The following TMEM135 variants were observed in gnomAD, a reference collection of about 807,000 sequenced individuals.
TMEM135 encodes peroxisomal membrane protein 52.
Under a neutral mutation model 60.3 loss-of-function variants are expected in TMEM135, and 30 were observed. That is an observed-to-expected ratio of 0.50 (90% CI 0.37 to 0.68). TMEM135 has a LOEUF of 0.68. Among genes scored for constraint, TMEM135 ranks in the 30% least tolerant of loss-of-function variants. The probability of loss-of-function intolerance (pLI) is 0.00; values close to 1 mark genes in which losing one functional copy is unlikely to be tolerated. For synonymous variants in TMEM135, 190 were observed against 186.7 expected, an observed-to-expected ratio of 1.02 and a Z score of -0.14; for missense variants, 468 against 548.8, an observed-to-expected ratio of 0.85 and a Z score of 1.47.
intron 5 of TMEM135, among the ~76,000 whole-genome samples, chr11:87,229,154 GTTTCT>G (rs1940832368): frequency 6.6e-6 from 1 of 151,740 alleles, no homozygotes; most frequent in Non-Finnish European, 1.5e-5. Flanking sequence ...ACATTTTGAC[GTTTCT>G]TTTATGTGTT....
At chr11:87,047,623 GCAC>G (rs750777462) in intron 1 of TMEM135, among the ~76,000 whole-genome samples, 8 of 118,990 alleles carry the variant, frequency 6.7e-5, no homozygotes, top group Non-Finnish European at 1.0e-4. Flanking sequence ...AAAAAACGGC[GCAC>G]CACGAGACTA....
At chr11:87,055,227 A>T (rs1010725497) in intron 1 of TMEM135, among the ~76,000 whole-genome samples, 3 of 152,214 alleles carry the variant, frequency 2.0e-5, no homozygotes, top group Admixed American at 2.0e-4. Flanking sequence ...TAGGTTTAAC[A>T]TTTATGGCAC....
At chr11:87,073,732 A>G (rs191721615) in intron 3 of TMEM135, among the ~76,000 whole-genome samples, 23 of 152,114 alleles carry the variant, frequency 1.5e-4, no homozygotes, top group African/African-American at 5.1e-4. Context: ...CAATGGTGCA[A>G]TCTCGGCTCA....
chr11:87,306,577 T>G (rs1942547203), intron 9 of TMEM135, among the ~76,000 whole-genome samples: 1 of 152,170 alleles, frequency 6.6e-6, no homozygotes, highest in African/African-American at 2.4e-5. Context: ...TGGACTTGAG[T>G]ACTAGTGTGT....
At chr11:87,178,482 C>T (rs1939438213) in intron 5 of TMEM135, 1 of 456,004 alleles carries the variant, frequency 2.2e-6, no homozygotes. Flanking sequence ...CTTCCCCAGG[C>T]TGGAGTGATT....
intron 6 of TMEM135, among the ~76,000 whole-genome samples, chr11:87,288,961 G>C (rs573337499): frequency 8.5e-5 from 13 of 152,226 alleles, no homozygotes; most frequent in African/African-American, 2.6e-4. Flanking sequence ...CCCATCTTGG[G>C]GGGTGAGGAG....
At chr11:87,138,328 T>C (rs1591048562) in intron 4 of TMEM135, among the ~76,000 whole-genome samples, 1 of 152,146 alleles carries the variant, frequency 6.6e-6, no homozygotes, top group Admixed American at 6.5e-5. Flanking sequence ...TGACCTCAGG[T>C]GATCCGCCCG....
chr11:87,327,949 T>C lies in TMEM135; in HGVS notation c.*6616T>C, dbSNP rs1434218120. On this transcript the variant is annotated 3_prime_UTR_variant, in exon 15 of 15. Transcript: ENST00000305494. ...AGTGGATTGGAGGTGCCTGCCCATA[T>C]TGAGGGCAGATCTTCTCTGCCTAGT... The C allele has an allele frequency of 4.4e-6, 2 of 453,912 alleles. No individual in the cohort carries two copies. The highest frequency in any genetic ancestry group is 2.0e-5 in the African/African-American group (1 of 49,972). 28.1% of individuals were successfully genotyped at this position (453,912 alleles called of 1,614,324 possible). A position where few individuals can be genotyped will look rare whatever the true frequency, so the allele number is the denominator to read the frequency against.
At chr11:87,279,526 A>G (rs1333402610) in intron 6 of TMEM135, among the ~76,000 whole-genome samples, 1 of 152,160 alleles carries the variant, frequency 6.6e-6, no homozygotes. Flanking sequence ...TATTATTTGC[A>G]TTTTACAGGT....
At chr11:87,150,368 G>A (rs61904240) in intron 4 of TMEM135, among the ~76,000 whole-genome samples, 19,670 of 152,068 alleles carry the variant, frequency 0.13, 1,343 homozygotes, top group Middle Eastern at 0.15. Flanking sequence ...CTGTTGCTTC[G>A]TTGTATCTAA....
intron 5 of TMEM135, among the ~76,000 whole-genome samples, chr11:87,217,634 A>G (rs570865241): frequency 1.3e-5 from 2 of 152,104 alleles, no homozygotes; most frequent in Admixed American, 1.3e-4. Context: ...AAATATGCAA[A>G]GTTAGTTCGG....
At chr11:87,273,299 A>G (rs1156763478) in intron 6 of TMEM135, among the ~76,000 whole-genome samples, 2 of 152,084 alleles carry the variant, frequency 1.3e-5, no homozygotes, top group African/African-American at 4.8e-5. Flanking sequence ...TACCATACAG[A>G]TATTGTTATT....
intron 1 of TMEM135, among the ~76,000 whole-genome samples, chr11:87,061,780 A>G (rs1400600607): frequency 6.6e-6 from 1 of 152,174 alleles, no homozygotes; most frequent in Non-Finnish European, 1.5e-5. Flanking sequence ...GGGAATAACA[A>G]GAGAATGTAT....
Position 87,327,384 on chromosome 11 carries a change from G to T in TMEM135, c.*6051G>T. The T allele has an allele frequency of 2.2e-6, 1 of 453,960 alleles. No individual in the cohort carries two copies. Among genetic ancestry groups the T allele is most frequent in the African/African-American group, 2.0e-5 (1 of 50,074 alleles). The allele number at this position is 453,960 out of a possible 1,614,324, so 28.1% of individuals were successfully genotyped here. ...TTAAAGATGCCAGGTCAGAAAAATA[G>T]AAAGAACCTGCTTCTGTGAGCCACT... is the stretch of plus-strand genomic sequence containing the variant. On this transcript the variant is annotated 3_prime_UTR_variant, in exon 15 of 15. Coordinates refer to ENST00000305494, the MANE Select transcript of TMEM135 (RefSeq NM_022918.4).
intron 3 of TMEM135, among the ~76,000 whole-genome samples, chr11:87,081,531 C>G (rs1856992278): frequency 1.3e-5 from 2 of 152,062 alleles, no homozygotes; most frequent in African/African-American, 2.4e-5. Flanking sequence ...AACATTAGTT[C>G]AAATACAGTA....
At chr11:87,149,749 T>G (rs760406607) in intron 4 of TMEM135, among the ~76,000 whole-genome samples, 87 of 152,238 alleles carry the variant, frequency 5.7e-4, no homozygotes, top group Non-Finnish European at 1.8e-4. Context: ...TTTACCTTTA[T>G]TGTCAAACTT....
intron 5 of TMEM135, among the ~76,000 whole-genome samples, chr11:87,194,809 A>G (rs1204654147): frequency 1.3e-5 from 2 of 152,182 alleles, no homozygotes; most frequent in African/African-American, 2.4e-5. Flanking sequence ...GTGAAAGTCA[A>G]TGTTGTGGCA....
intron 5 of TMEM135, among the ~76,000 whole-genome samples, chr11:87,195,383 TTCCTTCCTTCTC>T (rs1321171548): frequency 6.0e-5 from 5 of 83,132 alleles, no homozygotes; most frequent in African/African-American, 1.8e-4. Context: ...CCTTCCTTCC[TTCCTTCCTTCTC>T]TCTCTCTCTC....
intron 5 of TMEM135, among the ~76,000 whole-genome samples, chr11:87,176,171 C>G (rs914003649): frequency 6.6e-6 from 1 of 152,038 alleles, no homozygotes; most frequent in African/African-American, 2.4e-5. Flanking sequence ...GGGCAGATTC[C>G]TTATCAATGA....
Sources: gnomAD v4.1 joint callset for allele counts (sites outside exome capture counted in the v4.1 genomes callset) on GRCh38, gnomAD v4.1.1 for gene constraint, MANE v1.5 for transcripts, NCBI Gene and HGNC (gene_info 2026-07-23, HGNC 2026-07-21) for gene names.